Variants in ZNF429 observed in about 807,000 individuals in gnomAD.
The protein encoded by ZNF429 is zinc finger protein 429.
Under a neutral mutation model 56.8 loss-of-function variants are expected in ZNF429, and 53 were observed. That is an observed-to-expected ratio of 0.93 (90% CI 0.75 to 1.17). The LOEUF (loss-of-function observed/expected upper bound fraction) is 1.17, where lower values mean the gene tolerates loss of function less well. Ranked by LOEUF, ZNF429 falls within the 50% of genes most tolerant of loss-of-function variation. ZNF429 has a pLI of 0.00. For synonymous variants in ZNF429, 278 were observed against 264.7 expected (o/e 1.05, Z -0.49); for missense variants, 849 against 788.4 (o/e 1.08, Z -0.92).
In ZNF429 at chr19:21,539,702, A is replaced by AT. The variant is rs2033855550; in HGVS notation, c.*1626dup. Reference sequence around the variant, plus strand: ...CACCTTGGCCTCCCAGAGTGCTGGGATTGCAGCCATGAGCCACTGCACCCA... The same window carrying AT: ...CACCTTGGCCTCCCAGAGTGCTGGGATTTGCAGCCATGAGCCACTGCACCCA... On this transcript the variant is annotated 3_prime_UTR_variant, in exon 4 of 4. Coordinates refer to ENST00000358491, the MANE Select transcript of ZNF429 (RefSeq NM_001001415.4). Among the ~76,000 whole-genome samples the AT allele has an allele frequency of 1.3e-5, 2 of 151,886 alleles. No individual in the cohort carries two copies.
Position 21,540,004 on chromosome 19 carries a change from A to T in ZNF429, c.*1926A>T, listed in dbSNP as rs1307075577. Among the ~76,000 whole-genome samples the T allele has an allele frequency of 6.6e-6, 1 of 152,192 alleles. No homozygotes were observed. Among genetic ancestry groups the T allele is most frequent in the Admixed American group, 6.6e-5 (1 of 15,260 alleles). ...ACTTATTGAGTGATGTATGAGGTCG[A>T]TGTTCAGAGTAATATGCCTCTGTAT... On this transcript the variant is annotated 3_prime_UTR_variant, in exon 4 of 4. Coordinates refer to ENST00000358491, the MANE Select transcript of ZNF429 (RefSeq NM_001001415.4).
chr19:21,535,416 CTTTCTTTCTTTCTTTCTTTCT>C, intron 3 of ZNF429, among the ~76,000 whole-genome samples: 1 of 7,906 alleles, frequency 1.3e-4, no homozygotes, highest in Non-Finnish European at 3.9e-4. Context: ...TTTTTCTTTT[CTTTCTTTCTTTCTTTCTTTCT>C]TTCTTTCTTT....
chr19:21,505,958 C>G, intron 1 of ZNF429, 184 bp downstream of exon 1: 1 of 549,728 alleles, frequency 1.8e-6, no homozygotes, highest in Non-Finnish European at 3.3e-6. Flanking sequence ...ACAGCCGGGC[C>G]CCGGGCGTCC....
At chr19:21,515,065 C>CAAGT (rs1401427056) in intron 1 of ZNF429, among the ~76,000 whole-genome samples, 1 of 152,012 alleles carries the variant, frequency 6.6e-6, no homozygotes, top group African/African-American at 2.4e-5. Context: ...CTCAGCCTCC[C>CAAGT]AAGTAGCTGG....
At position 21,538,738 on chromosome 19, in the gene ZNF429, T is replaced by G. The variant is rs73548628; in HGVS notation, c.*660T>G. On this transcript the variant is annotated 3_prime_UTR_variant, in exon 4 of 4. Transcript: ENST00000358491. ...AAGCATTTATACCTGAAAAAAGGTA[T>G]ACAAATTTAAAAAATGTGGAAAAGC... 6.6e-6 allele frequency: 1 copy of G among 152,202 alleles called. No homozygotes were observed. Among genetic ancestry groups the G allele is most frequent in the South Asian group, 2.1e-4 (1 of 4,836 alleles). 9.4% of individuals were successfully genotyped at this position (152,202 alleles called of 1,614,324 possible).
At chr19:21,510,723 T>C (rs985115425) in intron 1 of ZNF429, among the ~76,000 whole-genome samples, 6 of 151,676 alleles carry the variant, frequency 4.0e-5, no homozygotes, top group African/African-American at 9.7e-5. Context: ...CAGAGGACCC[T>C]GTGGCCTTCC....
intron 1 of ZNF429, among the ~76,000 whole-genome samples, chr19:21,522,883 G>A (rs537281076): frequency 2.7e-5 from 4 of 148,916 alleles, no homozygotes; most frequent in Admixed American, 1.3e-4. Flanking sequence ...GCAACAGAGC[G>A]AGACTCTGTC....
chr19:21,526,922 G>A (rs1049234099), intron 1 of ZNF429, among the ~76,000 whole-genome samples: 2 of 152,104 alleles, frequency 1.3e-5, no homozygotes, highest in African/African-American at 2.4e-5. Context: ...TGTCCAAGTC[G>A]GAGCTGCAAT....
At chr19:21,528,344 T>A (rs1017919123) in intron 1 of ZNF429, among the ~76,000 whole-genome samples, 1 of 152,076 alleles carries the variant, frequency 6.6e-6, no homozygotes, top group East Asian at 1.9e-4. Context: ...TAAAAAATAA[T>A]ATATATTAGG....
intron 1 of ZNF429, among the ~76,000 whole-genome samples, chr19:21,512,525 A>C (rs562301788): frequency 1.3e-5 from 2 of 151,946 alleles, no homozygotes; most frequent in Non-Finnish European, 2.9e-5. Flanking sequence ...TTAGCTGGGC[A>C]TGGTGGCGGG....
At chr19:21,513,617 ACT>A (rs1262546602) in intron 1 of ZNF429, among the ~76,000 whole-genome samples, 2 of 152,068 alleles carry the variant, frequency 1.3e-5, no homozygotes, top group Non-Finnish European at 2.9e-5. Flanking sequence ...TGTTAAGCAA[ACT>A]CTACAGATTT....
At chr19:21,530,513 C>T in intron 2 of ZNF429, 76 bp from the exon 3 acceptor site, 2 of 968,494 alleles carry the variant, frequency 2.1e-6, no homozygotes, top group East Asian at 2.7e-5. Flanking sequence ...ATTACATCCT[C>T]TTTACTGAGC....
chr19:21,531,882 A>G, intron 3 of ZNF429, among the ~76,000 whole-genome samples: 3 of 152,320 alleles, frequency 2.0e-5, no homozygotes, highest in African/African-American at 7.2e-5. Flanking sequence ...GTAATCTGAC[A>G]TTAAAAAACC....
At chr19:21,523,444 TTCTC>T (rs2033054640) in intron 1 of ZNF429, among the ~76,000 whole-genome samples, 1 of 152,228 alleles carries the variant, frequency 6.6e-6, no homozygotes, top group Non-Finnish European at 1.5e-5. Context: ...AATTATGTCT[TTCTC>T]TCCTCTTTGA....
chr19:21,537,353 T>C lies in ZNF429; in HGVS notation c.1300T>C (p.Phe434Leu), dbSNP rs898879672. The C allele has an allele frequency of 6.2e-7, 1 of 1,613,634 alleles. No individual in the cohort carries two copies. Among genetic ancestry groups the C allele is most frequent in the African/African-American group, 1.3e-5 (1 of 74,852 alleles). ...PYNCEECGKV[F>L]TYSSTLTRHK... ...CAATTGTGAAGAATGTGGCAAAGTT[T>C]TTACCTATTCCTCTACACTTACTAG... The change falls in exon 4 of 4, where the codon TTT (phenylalanine) becomes CTT (leucine). Residue 434 changes from phenylalanine (F) to leucine (L), a missense_variant. By Grantham distance (22) the Phe-to-Leu change is conservative. Transcript: ENST00000358491.
chr19:21,535,405 CTTTTT>C lies in ZNF429; in HGVS notation c.227-874_227-870del. 6.1e-3 allele frequency among the ~76,000 whole-genome samples: 96 copies of C among 15,708 alleles called. 7 individuals are homozygous for C. Among genetic ancestry groups the C allele is most frequent in the Non-Finnish European group, 7.2e-3 (58 of 8,074 alleles). 10.3% of individuals were successfully genotyped at this position (15,708 alleles called of 152,430 possible). A position where few individuals can be genotyped will look rare whatever the true frequency, so the allele number is the denominator to read the frequency against. On this transcript the variant is annotated intron_variant, in intron 3 of 3. Transcript: ENST00000358491. ...TTTTACTTTCTTTCTTTCTTTCTTT[CTTTTT>C]CTTTTCTTTCTTTCTTTCTTTCTTT...
At chr19:21,531,456 A>C in intron 3 of ZNF429, among the ~76,000 whole-genome samples, 1 of 152,166 alleles carries the variant, frequency 6.6e-6, no homozygotes, top group Non-Finnish European at 1.5e-5. Flanking sequence ...CCCATTGTTA[A>C]TGCCTCTATT....
chr19:21,528,892 G>C (rs773180025), intron 1 of ZNF429, among the ~76,000 whole-genome samples: 13 of 152,162 alleles, frequency 8.5e-5, no homozygotes, highest in Non-Finnish European at 1.6e-4. Flanking sequence ...TGCAGTTGAT[G>C]TTAATGATTC....
rs74828233 is a variant in ZNF429 at position 21,539,870 on chromosome 19, C to G, written c.*1792C>G. On this transcript the variant is annotated 3_prime_UTR_variant, in exon 4 of 4. Coordinates refer to ENST00000358491, the MANE Select transcript of ZNF429 (RefSeq NM_001001415.4). ...AGCATGTGATCAATTATTGCTGCAT[C>G]ACATATAGACTCATTAGGTGGAAAT... Among the ~76,000 whole-genome samples the G allele has an allele frequency of 1.3e-5, 2 of 152,042 alleles. No individual in the cohort carries two copies. The highest frequency in any genetic ancestry group is 4.8e-5 in the African/African-American group (2 of 41,408).
Sources: gnomAD v4.1 joint callset for allele counts (sites outside exome capture counted in the v4.1 genomes callset) on GRCh38, gnomAD v4.1.1 for gene constraint, MANE v1.5 for transcripts, NCBI Gene and HGNC (gene_info 2026-07-23, HGNC 2026-07-21) for gene names.